The following CYFIP2 variants were observed in gnomAD, a reference collection of about 807,000 sequenced individuals.
CYFIP2 encodes cytoplasmic FMR1-interacting protein 2.
In CYFIP2, 29 loss-of-function variants were observed where a neutral mutation model predicts 158.7. That is an observed-to-expected ratio of 0.18 (90% CI 0.14 to 0.25). The LOEUF is 0.25. Among genes scored for constraint, CYFIP2 ranks in the 10% least tolerant of loss-of-function variants. The pLI is 1.00. For synonymous variants in CYFIP2, 585 were observed against 617.6 expected (o/e 0.95, Z 0.78); for missense variants, 852 against 1,639.5 (o/e 0.52, Z 8.29).
chr5:157,337,130 GT>G (rs1761911370), intron 21 of CYFIP2, among the ~76,000 whole-genome samples: 1 of 152,078 alleles, frequency 6.6e-6, no homozygotes, highest in East Asian at 1.9e-4. Flanking sequence ...CTTACTCCAT[GT>G]ATTTTTTATT....
At chr5:157,282,852 A>C (rs1757096307) in intron 1 of CYFIP2, among the ~76,000 whole-genome samples, 1 of 152,224 alleles carries the variant, frequency 6.6e-6, no homozygotes, top group Non-Finnish European at 1.5e-5. Flanking sequence ...TTCCTTATTG[A>C]AAATGAGATA....
Position 157,392,949 on chromosome 5 carries a change from T to C in CYFIP2, c.3711T>C (p.His1237=), listed in dbSNP as rs1192810922. 1 of 1,613,938 alleles carries C rather than the reference T, an allele frequency of 6.2e-7. No individual in the cohort carries two copies. The highest frequency in any genetic ancestry group is 1.7e-5 in the Admixed American group (1 of 60,012). The change falls in exon 31 of 31, where the codon CAT becomes CAC. Residue 1237 remains histidine, a synonymous_variant. Coordinates refer to ENST00000620254, the MANE Select transcript of CYFIP2 (RefSeq NM_001037333.3). ...AGACAGACAGTTCCACTGTGGAGCA[T>C]GTGCGCTGCTTCCAGCCACCCATCC... ...SVETDSSTVE[H]VRCFQPPIHQ...
At chr5:157,384,256 A>T (rs1470168501) in intron 28 of CYFIP2, 1 of 456,774 alleles carries the variant, frequency 2.2e-6, no homozygotes, top group East Asian at 6.9e-5. Context: ...AGGAAGAGAA[A>T]TAGGGGGAGA....
intron 26 of CYFIP2, chr5:157,364,664 A>C (rs1274885033): frequency 2.0e-5 from 3 of 152,202 alleles, no homozygotes; most frequent in African/African-American, 7.2e-5. Flanking sequence ...TGAAGTCCTC[A>C]TTCTGCTTTC....
chr5:157,358,158 G>A lies in CYFIP2; in HGVS notation c.2674-847G>A, dbSNP rs140864408. Among the ~76,000 whole-genome samples the A allele has an allele frequency of 2.3e-3, 351 of 152,290 alleles. 1 individual carries two copies. The highest frequency in any genetic ancestry group is 8.2e-3 in the African/African-American group (339 of 41,562). On this transcript the variant is annotated intron_variant, in intron 23 of 30. Coordinates refer to ENST00000620254, the MANE Select transcript of CYFIP2 (RefSeq NM_001037333.3). ...TCCAGAACAGAGCGTTAGAGTCGAT[G>A]ATAACTTTTCATTCTCACCAACCAA...
rs536740636 is a variant in CYFIP2, at chr5:157,386,876, C to T, written c.3208-2313C>T. ...TGGAGGTTGCAGTAAGCCGAGATTG[C>T]GCCACTGCACTCTGGCCTGGACAGC... On this transcript the variant is annotated intron_variant, in intron 28 of 30. Coordinates refer to ENST00000620254, the MANE Select transcript of CYFIP2 (RefSeq NM_001037333.3). Among the ~76,000 whole-genome samples, 9 of 148,472 alleles carry T rather than the reference C, an allele frequency of 6.1e-5. No individual in the cohort carries two copies. The South Asian group carries it at 1.3e-3, about 21-fold the overall frequency.
At position 157,328,737 on chromosome 5, in the gene CYFIP2, A is replaced by G. The variant is rs143916657; in HGVS notation, c.2156+688A>G. On this transcript the variant is annotated intron_variant, in intron 19 of 30. Transcript: ENST00000620254. The stretch of plus-strand genomic sequence containing the variant: ...CCGATTCGATTTTTATTTACTTTTG[A>G]AAGTTTACTCTCTTAAAAATATAAA... Among the ~76,000 whole-genome samples the G allele has an allele frequency of 1.6e-3, 245 of 152,322 alleles. 3 individuals carry two copies. Among genetic ancestry groups the G allele is most frequent in the African/African-American group, 5.6e-3 (234 of 41,578 alleles).
chr5:157,389,543 C>T, intron 29 of CYFIP2, 116 bp downstream of exon 29: 1 of 930,818 alleles, frequency 1.1e-6, no homozygotes, highest in East Asian at 2.7e-5. Flanking sequence ...GGTTGGCCAA[C>T]AACTACTTTG....
chr5:157,391,256 A>C (rs1401801898), intron 30 of CYFIP2, among the ~76,000 whole-genome samples: 1 of 152,178 alleles, frequency 6.6e-6, no homozygotes, highest in Non-Finnish European at 1.5e-5. Flanking sequence ...ACCCAGTGAG[A>C]GGAGAGAGAG....
rs1758128256 is a variant in CYFIP2 at position 157,294,892 on chromosome 5, C to A, written c.285+32C>A. 2.5e-6 allele frequency: 4 copies of A among 1,583,090 alleles called. No homozygotes were observed. In the Admixed American group the frequency reaches 5.1e-5, roughly 20 times the overall value. ...CTGTCCTTGTTGTGTGTCTCTTTCC[C>A]CTCCAGAGGGCATTACTAACCCCTA... On this transcript the variant is annotated intron_variant, in intron 4 of 30. Transcript: ENST00000620254.
intron 22 of CYFIP2, among the ~76,000 whole-genome samples, chr5:157,339,665 A>G (rs1489995129): frequency 6.6e-6 from 1 of 152,256 alleles, no homozygotes; most frequent in Non-Finnish European, 1.5e-5. Flanking sequence ...GAAAGCCCAC[A>G]GGGCCATGAC....
chr5:157,308,905 A>C (rs1371167088), intron 9 of CYFIP2, among the ~76,000 whole-genome samples: 2 of 152,266 alleles, frequency 1.3e-5, no homozygotes, highest in East Asian at 3.9e-4. Context: ...TAATAGCTGG[A>C]TGACGTTGGG....
chr5:157,391,817 G>C (rs1459985188), intron 30 of CYFIP2, among the ~76,000 whole-genome samples: 2 of 142,472 alleles, frequency 1.4e-5, no homozygotes, highest in Non-Finnish European at 3.1e-5. Context: ...GGATCGTATG[G>C]TAATTCTATG....
At chr5:157,291,025 C>T (rs77262788) in intron 3 of CYFIP2, among the ~76,000 whole-genome samples, 15,996 of 152,158 alleles carry the variant, frequency 0.11, 1,204 homozygotes, top group East Asian at 0.26. Context: ...GGGTTTAAGT[C>T]ATGGACTTTC....
At chr5:157,331,561 T>A (rs1761465565) in intron 20 of CYFIP2, among the ~76,000 whole-genome samples, 2 of 151,902 alleles carry the variant, frequency 1.3e-5, no homozygotes, top group Admixed American at 6.6e-5. Flanking sequence ...AAAGAATTCA[T>A]CTCAGAAACC....
chr5:157,387,299 G>A (rs766551279), intron 28 of CYFIP2, among the ~76,000 whole-genome samples: 12 of 152,068 alleles, frequency 7.9e-5, no homozygotes, highest in Non-Finnish European at 1.6e-4. Flanking sequence ...ACTTTTCAAA[G>A]GAAAGGGAGA....
chr5:157,372,801 G>A (rs767429365), intron 26 of CYFIP2, among the ~76,000 whole-genome samples: 21 of 152,200 alleles, frequency 1.4e-4, no homozygotes, highest in Non-Finnish European at 2.5e-4. Context: ...TTAGAGGCCA[G>A]TGAGAGACCC....
intron 1 of CYFIP2, among the ~76,000 whole-genome samples, chr5:157,271,805 C>G (rs139818507): frequency 6.6e-6 from 1 of 152,290 alleles, no homozygotes; most frequent in Admixed American, 6.5e-5. Flanking sequence ...CCACGTGCTC[C>G]GATCTGGTGG....
At chr5:157,337,908 T>C (rs1474687482) in intron 21 of CYFIP2, among the ~76,000 whole-genome samples, 1 of 152,228 alleles carries the variant, frequency 6.6e-6, no homozygotes, top group Non-Finnish European at 1.5e-5. Flanking sequence ...TAAGGAGACT[T>C]GGATTCACAT....
Sources: allele counts gnomAD v4.1 joint callset (sites outside exome capture counted in the v4.1 genomes callset), GRCh38; gene constraint gnomAD v4.1.1; transcripts MANE v1.5; gene names NCBI Gene and HGNC (gene_info 2026-07-23, HGNC 2026-07-21).